Variants in CDK19 observed in about 807,000 individuals in gnomAD.
CDK19 encodes cyclin dependent kinase 19.
A neutral mutation model predicts 68.3 loss-of-function variants in CDK19; 20 were observed. The ratio of observed to expected loss-of-function variants is 0.29; its 90% CI spans 0.21 to 0.43. The LOEUF (loss-of-function observed/expected upper bound fraction) is 0.43, where lower values mean the gene tolerates loss of function less well. Among genes scored for constraint, CDK19 ranks in the 20% least tolerant of loss-of-function variants. The probability of loss-of-function intolerance (pLI) is 1.00; values close to 1 mark genes in which losing one functional copy is unlikely to be tolerated. For synonymous variants in CDK19, 221 were observed against 222.8 expected (o/e 0.99, Z 0.07); for missense variants, 339 against 623.5 (o/e 0.54, Z 4.86).
intron 2 of CDK19, among the ~76,000 whole-genome samples, chr6:110,696,615 G>C (rs1773507002): frequency 6.6e-6 from 1 of 152,126 alleles, no homozygotes; most frequent in Non-Finnish European, 1.5e-5. Context: ...CATCCAAAAA[G>C]CTCCCAGATC....
At position 110,612,959 on chromosome 6, in the gene CDK19, A is replaced by G. The variant is rs879598212; in HGVS notation, c.*1576T>C. 18 of 152,688 alleles carry G rather than the reference A, an allele frequency of 1.2e-4. No individual in the cohort carries two copies. The highest frequency in any genetic ancestry group is 5.2e-4 in the Admixed American group (8 of 15,288). 9.5% of individuals were successfully genotyped at this position (152,688 alleles called of 1,614,324 possible). On this transcript the variant is annotated 3_prime_UTR_variant, in exon 13 of 13. Coordinates refer to ENST00000368911, the MANE Select transcript of CDK19 (RefSeq NM_015076.5). ...GACCCACAGTATCATAACCAGGTAG[A>G]TAAGTTCAGAAAGAATAGTTTTTAA... is the stretch of plus-strand genomic sequence containing the variant.
At chr6:110,705,461 T>A (rs1015348447) in intron 2 of CDK19, among the ~76,000 whole-genome samples, 6 of 152,094 alleles carry the variant, frequency 3.9e-5, no homozygotes, top group African/African-American at 1.4e-4. Context: ...GGTAAAGAAC[T>A]TGGGAGTCAT....
rs569145344 is a variant in CDK19, at chr6:110,612,653, A to G, written c.*1882T>C. On this transcript the variant is annotated 3_prime_UTR_variant, in exon 13 of 13. Coordinates refer to ENST00000368911, the MANE Select transcript of CDK19 (RefSeq NM_015076.5). ...GCTCTGGACAGTGAGGCTTTAGGGCACAGGATAAAACTGCATATAGGCAGC... is the reference window on the plus strand; with the variant it reads ...GCTCTGGACAGTGAGGCTTTAGGGCGCAGGATAAAACTGCATATAGGCAGC... 2 of 152,372 alleles carry G rather than the reference A, an allele frequency of 1.3e-5. No homozygotes were observed. Among genetic ancestry groups the G allele is most frequent in the African/African-American group, 4.8e-5 (2 of 41,570 alleles). The allele number at this position is 152,372 out of a possible 1,614,324, so 9.4% of individuals were successfully genotyped here. A position where few individuals can be genotyped will look rare whatever the true frequency, so the allele number is the denominator to read the frequency against.
chr6:110,692,050 C>T (rs1773043251), intron 2 of CDK19, among the ~76,000 whole-genome samples: 1 of 151,642 alleles, frequency 6.6e-6, no homozygotes, highest in Non-Finnish European at 1.5e-5. Flanking sequence ...AATCCCAGCA[C>T]TTCGGGAGGC....
intron 2 of CDK19, among the ~76,000 whole-genome samples, chr6:110,694,086 A>G (rs904012028): frequency 1.3e-5 from 2 of 152,006 alleles, no homozygotes; most frequent in African/African-American, 4.8e-5. Flanking sequence ...AAAAAAAAAA[A>G]AAAACAAGGT....
chr6:110,768,602 G>A lies in CDK19; in HGVS notation c.129-22401C>T, dbSNP rs367975360. Among the ~76,000 whole-genome samples, 18 of 152,240 alleles carry A rather than the reference G, an allele frequency of 1.2e-4. No homozygotes were observed. The East Asian group carries it at 2.9e-3, about 24-fold the overall frequency. On this transcript the variant is annotated intron_variant, in intron 1 of 12. Coordinates refer to ENST00000368911, the MANE Select transcript of CDK19 (RefSeq NM_015076.5). ...GACAAGACATAGAGGATTCTCAAAT[G>A]CATATTACAAAGTGCAAGAAGCCAA...
intron 4 of CDK19, chr6:110,646,473 C>T (rs1415827267): frequency 7.4e-6 from 11 of 1,477,864 alleles, no homozygotes; most frequent in South Asian, 1.3e-5. Flanking sequence ...GCCCAGAAGG[C>T]GGAGCCCAGC....
At chr6:110,732,285 T>G (rs1055357877) in intron 2 of CDK19, among the ~76,000 whole-genome samples, 12 of 151,946 alleles carry the variant, frequency 7.9e-5, no homozygotes, top group Non-Finnish European at 1.2e-4. Flanking sequence ...CACTTTAGGT[T>G]AGGAATTTGA....
intron 1 of CDK19, among the ~76,000 whole-genome samples, chr6:110,775,561 A>G (rs1391416584): frequency 6.6e-6 from 1 of 152,196 alleles, no homozygotes; most frequent in Non-Finnish European, 1.5e-5. Context: ...AATAAAAATA[A>G]TCATGAAATA....
intron 1 of CDK19, among the ~76,000 whole-genome samples, chr6:110,755,055 T>C (rs2114922442): frequency 6.6e-6 from 1 of 151,578 alleles, no homozygotes; most frequent in South Asian, 2.1e-4. Flanking sequence ...TTTTTTTTTT[T>C]TTGAGATGAA....
At chr6:110,786,455 A>G (rs531904080) in intron 1 of CDK19, among the ~76,000 whole-genome samples, 7 of 152,264 alleles carry the variant, frequency 4.6e-5, no homozygotes, top group Admixed American at 2.6e-4. Context: ...TGTTTTCTCC[A>G]GCAGGAATGT....
At chr6:110,758,785 G>A (rs1387876432) in intron 1 of CDK19, among the ~76,000 whole-genome samples, 1 of 151,982 alleles carries the variant, frequency 6.6e-6, no homozygotes, top group African/African-American at 2.4e-5. Context: ...CCTTCTGGAG[G>A]GAAGGAGAAA....
chr6:110,655,376 A>T (rs1781244840), intron 4 of CDK19, among the ~76,000 whole-genome samples: 1 of 152,018 alleles, frequency 6.6e-6, no homozygotes, highest in East Asian at 1.9e-4. Flanking sequence ...AAAAAAAAAA[A>T]AATAAATAAA....
At chr6:110,719,865 G>A (rs1300456234) in intron 2 of CDK19, among the ~76,000 whole-genome samples, 2 of 152,006 alleles carry the variant, frequency 1.3e-5, no homozygotes, top group African/African-American at 4.8e-5. Flanking sequence ...TGAGTAGCTG[G>A]GATTACAGGC....
intron 2 of CDK19, among the ~76,000 whole-genome samples, chr6:110,723,137 A>AAAAAAAC (rs1176302291): frequency 3.1e-5 from 3 of 95,906 alleles, no homozygotes; most frequent in African/African-American, 8.8e-5. Context: ...GGCTTTGTCA[A>AAAAAAAC]AAAAAACAAA....
rs1285633186 is a variant in CDK19, at chr6:110,670,536, C to T, written c.210G>A (p.Leu70=). 1.9e-6 allele frequency: 3 copies of T among 1,598,630 alleles called. No individual in the cohort carries two copies. Among genetic ancestry groups the T allele is most frequent in the Non-Finnish European group, 2.6e-6 (3 of 1,166,076 alleles). The change falls in exon 3 of 13, where the codon TTG becomes TTA. Residue 70 remains leucine, a synonymous_variant. Coordinates refer to ENST00000368911, the MANE Select transcript of CDK19 (RefSeq NM_015076.5). ...SMSACREIAL[L]RELKHPNVIA... ...TCACATTAGGGTGCTTCAATTCTCG[C>T]AAAAGCTGAATGCAAAAGAAAGAGA...
At chr6:110,667,656 C>T (rs1400003104) in intron 3 of CDK19, 82 bp from the exon 4 acceptor site, 2 of 662,796 alleles carry the variant, frequency 3.0e-6, no homozygotes, top group Admixed American at 3.5e-5. Context: ...GTAACAAATG[C>T]TCTATATTTT....
In CDK19 at chr6:110,621,865, G is replaced by A. The variant is rs1431722846; in HGVS notation, c.1110+223C>T. On this transcript the variant is annotated intron_variant, in intron 11 of 12. Transcript: ENST00000368911. This position sits in a 1 kb window ranked among gnomAD's most constrained non-coding sequence, Gnocchi z 5.4. ...GAAGTGGGAATCCGGGAGTAGAACT[G>A]GCTGTAACACACACCGGAAGCTCAG... Among the ~76,000 whole-genome samples the A allele has an allele frequency of 6.6e-6, 1 of 152,128 alleles. No homozygotes were observed. The highest frequency in any genetic ancestry group is 2.4e-5 in the African/African-American group (1 of 41,426).
Position 110,708,268 on chromosome 6 carries a change from C to A in CDK19, c.205-37727G>T, listed in dbSNP as rs1470664756. ...CTGGTCCACACTGTTCCAGACCATG[C>A]AGATCACTGTTGAATCTTGGGGCAT... On this transcript the variant is annotated intron_variant, in intron 2 of 12. Transcript: ENST00000368911. Among the ~76,000 whole-genome samples, 3 of 152,266 alleles carry A rather than the reference C, an allele frequency of 2.0e-5. No individual in the cohort carries two copies. In the East Asian group the frequency reaches 5.8e-4, roughly 29 times the overall value.
Sources: allele counts gnomAD v4.1 joint callset (sites outside exome capture counted in the v4.1 genomes callset), GRCh38; gene constraint gnomAD v4.1.1; non-coding constraint Gnocchi (gnomAD v3.1); transcripts MANE v1.5; gene names NCBI Gene and HGNC (gene_info 2026-07-23, HGNC 2026-07-21).